The following TMOD1 variants were observed in gnomAD, a reference collection of about 807,000 sequenced individuals.
The protein encoded by TMOD1 is tropomodulin 1.
Under a neutral mutation model 40.6 loss-of-function variants are expected in TMOD1, and 17 were observed. The ratio of observed to expected loss-of-function variants is 0.42; its 90% CI spans 0.29 to 0.63. The LOEUF (loss-of-function observed/expected upper bound fraction) is 0.63. Ranked by LOEUF, TMOD1 falls within the 20% of genes least tolerant of loss-of-function variation. The probability of loss-of-function intolerance (pLI) is 0.22; values close to 1 mark genes in which losing one functional copy is unlikely to be tolerated. For missense variants in TMOD1, 391 were observed against 447.6 expected, an observed-to-expected ratio of 0.87 and a Z score of 1.14; for synonymous variants, 181 against 175.0, an observed-to-expected ratio of 1.03 and a Z score of -0.27.
rs186467030 is a variant in TMOD1 at position 97,573,005 on chromosome 9, G to A, written c.870+3968G>A. Among the ~76,000 whole-genome samples the A allele has an allele frequency of 6.2e-4, 94 of 152,350 alleles. No individual in the cohort carries two copies. The South Asian group carries it at 8.1e-3, about 13-fold the overall frequency. On this transcript the variant is annotated intron_variant, in intron 8 of 9. Transcript: ENST00000259365. ...CTAGCCCAGTCCTCCTTTCACAAGCGGGGAAACTGAGGATGAGAGAAGGGA... is the reference window on the plus strand; with the variant it reads ...CTAGCCCAGTCCTCCTTTCACAAGCAGGGAAACTGAGGATGAGAGAAGGGA...
At position 97,562,742 on chromosome 9, in the gene TMOD1, C is replaced by A; in HGVS notation, c.408C>A (p.Gly136=). ...CCCTTGTCCCTGCAGCGATCCTGGG[C>A]ATGCACACGCTCATGAGTAACCAGC... ...AELCDIAAIL[G]MHTLMSNQQY... The change falls in exon 5 of 10, where the codon GGC becomes GGA. Residue 136 remains glycine (G), a synonymous_variant. Coordinates refer to ENST00000259365, the MANE Select transcript of TMOD1 (RefSeq NM_003275.4). 6 of 1,558,882 alleles carry A rather than the reference C, an allele frequency of 3.8e-6. No homozygotes were observed. Among genetic ancestry groups the A allele is most frequent in the Non-Finnish European group, 5.2e-6 (6 of 1,158,760 alleles).
Position 97,555,587 on chromosome 9 carries a change from A to G in TMOD1, c.397+2187A>G, listed in dbSNP as rs373674804. 54 of 1,548,004 alleles carry G rather than the reference A, an allele frequency of 3.5e-5. No homozygotes were observed. In the East Asian group the frequency reaches 1.0e-3, roughly 29 times the overall value. On this transcript the variant is annotated intron_variant, in intron 4 of 9. Transcript: ENST00000259365. ...GGAAGGAGAGGGGAGCTGTAAGTCT[A>G]CACCAGTGTTAACTGGCTAACCTTG...
rs186456631 is a variant in TMOD1 at position 97,531,529 on chromosome 9, C to T, written c.120+7221C>T. Among the ~76,000 whole-genome samples the T allele has an allele frequency of 5.6e-4, 85 of 152,092 alleles. 1 individual carries two copies. The highest frequency in any genetic ancestry group is 4.7e-4 in the Non-Finnish European group (32 of 68,000). On this transcript the variant is annotated intron_variant, in intron 2 of 9. Coordinates refer to ENST00000259365, the MANE Select transcript of TMOD1 (RefSeq NM_003275.4). ...GGGAGGCTGAGGCAGGAGAATTGTT[C>T]GGACCTGGGAGGCGGAGGTTGCAGT...
intron 3 of TMOD1, among the ~76,000 whole-genome samples, chr9:97,551,362 T>G (rs1016023337): frequency 6.6e-6 from 1 of 152,154 alleles, no homozygotes; most frequent in African/African-American, 2.4e-5. Flanking sequence ...AGTCATTCCA[T>G]TTTGAGTTCA....
At chr9:97,560,967 G>A (rs991829888) in intron 4 of TMOD1, among the ~76,000 whole-genome samples, 1 of 152,204 alleles carries the variant, frequency 6.6e-6, no homozygotes, top group African/African-American at 2.4e-5. Context: ...CTATGAGCAG[G>A]GGCTGTTTGT....
At chr9:97,503,583 C>T (rs1402761281) in intron 1 of TMOD1, among the ~76,000 whole-genome samples, 1 of 152,198 alleles carries the variant, frequency 6.6e-6, no homozygotes, top group African/African-American at 2.4e-5. Flanking sequence ...TTTAGAGAGT[C>T]ATTGACCCTT....
At chr9:97,510,878 C>T (rs1402572943) in intron 1 of TMOD1, among the ~76,000 whole-genome samples, 1 of 151,894 alleles carries the variant, frequency 6.6e-6, no homozygotes, top group Non-Finnish European at 1.5e-5. Context: ...GTGGCCTGAA[C>T]CAGAAAAGTT....
intron 1 of TMOD1, among the ~76,000 whole-genome samples, chr9:97,511,975 C>T (rs1407405841): frequency 6.6e-6 from 1 of 152,154 alleles, no homozygotes; most frequent in Non-Finnish European, 1.5e-5. Context: ...GTCTTCTGCC[C>T]TCTGGGGAGC....
At chr9:97,518,741 A>G (rs1037292404) in intron 1 of TMOD1, among the ~76,000 whole-genome samples, 15 of 152,176 alleles carry the variant, frequency 9.9e-5, no homozygotes, top group Non-Finnish European at 1.5e-5. Context: ...CTCAGGAGGG[A>G]CAGGGGACAT....
chr9:97,543,419 G>A (rs888640662), intron 2 of TMOD1, among the ~76,000 whole-genome samples: 3 of 152,322 alleles, frequency 2.0e-5, no homozygotes, highest in African/African-American at 7.2e-5. Context: ...TATAACAATA[G>A]AAGGGATCAT....
chr9:97,515,100 G>A (rs189131845), intron 1 of TMOD1, among the ~76,000 whole-genome samples: 1 of 151,858 alleles, frequency 6.6e-6, no homozygotes, highest in Non-Finnish European at 1.5e-5. Context: ...ACTTTGGGAG[G>A]CTGAGGCAAG....
At chr9:97,521,593 T>A (rs1472077035) in intron 1 of TMOD1, among the ~76,000 whole-genome samples, 1 of 152,204 alleles carries the variant, frequency 6.6e-6, no homozygotes, top group Non-Finnish European at 1.5e-5. Flanking sequence ...CAGAGCACTG[T>A]CAGCTGTGCT....
chr9:97,530,566 C>A (rs1028657374), intron 2 of TMOD1, among the ~76,000 whole-genome samples: 2 of 151,560 alleles, frequency 1.3e-5, no homozygotes, highest in Non-Finnish European at 2.9e-5. Flanking sequence ...CGGCTCCCTG[C>A]AAGCTCTGCC....
chr9:97,559,403 C>G (rs927557922), intron 4 of TMOD1, among the ~76,000 whole-genome samples: 15 of 151,444 alleles, frequency 9.9e-5, no homozygotes, highest in Non-Finnish European at 1.5e-4. Flanking sequence ...ACAGAAAGGA[C>G]TTTGAGATCA....
At chr9:97,540,475 C>G (rs898690091) in intron 2 of TMOD1, among the ~76,000 whole-genome samples, 4 of 152,174 alleles carry the variant, frequency 2.6e-5, no homozygotes, top group African/African-American at 9.7e-5. Context: ...CTTACAGGCC[C>G]TGTCTCCAAT....
intron 1 of TMOD1, among the ~76,000 whole-genome samples, chr9:97,503,903 T>C (rs1356044571): frequency 6.6e-6 from 1 of 152,050 alleles, no homozygotes; most frequent in African/African-American, 2.4e-5. Context: ...TTGGAAGCCT[T>C]TCTAGCATGA....
At chr9:97,587,610 TCA>T (rs1825909453) in intron 8 of TMOD1, among the ~76,000 whole-genome samples, 1 of 152,158 alleles carries the variant, frequency 6.6e-6, no homozygotes, top group Non-Finnish European at 1.5e-5. Flanking sequence ...GACACGTACT[TCA>T]CACACCACAC....
chr9:97,505,484 A>G (rs76688815), intron 1 of TMOD1, among the ~76,000 whole-genome samples: 7,387 of 152,218 alleles, frequency 0.049, 214 homozygotes, highest in East Asian at 0.11. Flanking sequence ...TCCATGCCCA[A>G]AGGAATGAAG....
At position 97,553,420 on chromosome 9, in the gene TMOD1, C is replaced by G; in HGVS notation, c.397+20C>G. The G allele has an allele frequency of 6.2e-7, 1 of 1,613,966 alleles. No individual in the cohort carries two copies. The highest frequency in any genetic ancestry group is 8.5e-7 in the Non-Finnish European group (1 of 1,179,850). On this transcript the variant is annotated intron_variant, in intron 4 of 9. Coordinates refer to ENST00000259365, the MANE Select transcript of TMOD1 (RefSeq NM_003275.4). ...TTGCAGGTAAGAGGCGTTCCAGGAG[C>G]TTTCCACATCCTCCAGAAGGATTTG...
Sources: allele counts gnomAD v4.1 joint callset (sites outside exome capture counted in the v4.1 genomes callset), GRCh38; gene constraint gnomAD v4.1.1; transcripts MANE v1.5; gene names NCBI Gene and HGNC (gene_info 2026-07-23, HGNC 2026-07-21).